The following ADCY1 variants were observed in gnomAD, a reference collection of about 807,000 sequenced individuals.
ADCY1 encodes adenylate cyclase 1.
ADCY1 carries 28 observed loss-of-function variants against 105.4 expected under a neutral mutation model. The observed-to-expected ratio is 0.27, with a 90% CI of 0.20 to 0.36. The LOEUF (loss-of-function observed/expected upper bound fraction) is 0.36. ADCY1 is among the 10% of genes least tolerant of loss of function. The pLI, the probability that ADCY1 is intolerant of heterozygous loss-of-function variation, is 1.00. For synonymous variants in ADCY1, 655 were observed against 623.8 expected, an observed-to-expected ratio of 1.05 and a Z score of -0.75; for missense variants, 977 against 1,434.2, an observed-to-expected ratio of 0.68 and a Z score of 5.15.
intron 5 of ADCY1, among the ~76,000 whole-genome samples, chr7:45,653,270 T>G (rs534738543): frequency 6.6e-6 from 1 of 152,282 alleles, no homozygotes; most frequent in South Asian, 2.1e-4. Context: ...AAATGGCCAA[T>G]TCTGCCTCAT....
chr7:45,596,654 G>A (rs1308406166), intron 2 of ADCY1, among the ~76,000 whole-genome samples: 1 of 152,186 alleles, frequency 6.6e-6, no homozygotes, highest in African/African-American at 2.4e-5. Flanking sequence ...GAAGATGGGG[G>A]CTGAGTGAGG....
chr7:45,651,155 C>T (rs922519271), intron 5 of ADCY1, among the ~76,000 whole-genome samples: 3 of 152,210 alleles, frequency 2.0e-5, no homozygotes, highest in East Asian at 1.9e-4. Flanking sequence ...AAGCTCTACA[C>T]GCCAGAGTTC....
chr7:45,597,539 A>G (rs1401840379), intron 2 of ADCY1, among the ~76,000 whole-genome samples: 2 of 152,052 alleles, frequency 1.3e-5, no homozygotes, highest in Non-Finnish European at 2.9e-5. Flanking sequence ...TTTTGCAGCA[A>G]CCCATGAAGA....
intron 18 of ADCY1, among the ~76,000 whole-genome samples, chr7:45,709,471 G>A (rs1785184325): frequency 6.6e-6 from 1 of 152,180 alleles, no homozygotes; most frequent in African/African-American, 2.4e-5. Flanking sequence ...GGAGTCTGGG[G>A]TTAGCAGAGG....
At chr7:45,582,116 T>C (rs1237705444) in intron 1 of ADCY1, among the ~76,000 whole-genome samples, 1 of 152,120 alleles carries the variant, frequency 6.6e-6, no homozygotes, top group Non-Finnish European at 1.5e-5. Flanking sequence ...ATTCACACAC[T>C]CACAAAGCAA....
In ADCY1 at chr7:45,575,149, G is replaced by A; in HGVS notation, c.606G>A (p.Leu202=). The change falls in exon 1 of 20, where the codon TTG becomes TTA. Residue 202 remains leucine, a synonymous_variant. Coordinates refer to ENST00000297323, the MANE Select transcript of ADCY1 (RefSeq NM_021116.4). This position sits in a 1 kb window ranked among gnomAD's most constrained non-coding sequence, Gnocchi z 4.7. ...AASHLLVTAT[L]VPAKRPRLWR... ...CGCACTTGCTGGTCACAGCCACCTT[G>A]GTCCCCGCCAAGCGCCCACGTCTCT... 6.2e-7 allele frequency: 1 copy of A among 1,609,146 alleles called. No individual in the cohort carries two copies. Among genetic ancestry groups the A allele is most frequent in the Non-Finnish European group, 8.5e-7 (1 of 1,178,300 alleles).
chr7:45,607,270 G>A (rs118163425), intron 2 of ADCY1, among the ~76,000 whole-genome samples: 3,385 of 152,114 alleles, frequency 0.022, 109 homozygotes, highest in South Asian at 0.13. Context: ...ATGGTGGTGC[G>A]GCAGATGTGA....
chr7:45,696,856 G>GGAGGA (rs970203627), intron 14 of ADCY1, among the ~76,000 whole-genome samples: 11 of 152,186 alleles, frequency 7.2e-5, no homozygotes, highest in African/African-American at 2.7e-4. Flanking sequence ...GCTAATCAAG[G>GGAGGA]GAGGAGAGGA....
rs1785170523 is a variant in ADCY1, at chr7:45,708,806, G to A, written c.2932+342G>A. 6.6e-6 allele frequency among the ~76,000 whole-genome samples: 1 copy of A among 152,188 alleles called. No homozygotes were observed. Among genetic ancestry groups the A allele is most frequent in the Admixed American group, 6.5e-5 (1 of 15,288 alleles). ...CGCCAGCCACGGCTACATAGTTGAG[G>A]CCACATGGGCTGTCCAGAAGGAGGC... is the stretch of plus-strand genomic sequence containing the variant. On this transcript the variant is annotated intron_variant, in intron 18 of 19. Coordinates refer to ENST00000297323, the MANE Select transcript of ADCY1 (RefSeq NM_021116.4). This position sits in a 1 kb window ranked among gnomAD's most constrained non-coding sequence, Gnocchi z 4.7.
chr7:45,662,666 G>T (rs1052734520), intron 8 of ADCY1, among the ~76,000 whole-genome samples: 26 of 152,044 alleles, frequency 1.7e-4, no homozygotes, highest in African/African-American at 5.8e-4. Flanking sequence ...CTATGCAGGA[G>T]CTCGCTGCCT....
intron 4 of ADCY1, among the ~76,000 whole-genome samples, chr7:45,641,397 A>G (rs1329756058): frequency 6.6e-6 from 1 of 152,172 alleles, no homozygotes; most frequent in Non-Finnish European, 1.5e-5. Flanking sequence ...GTGAATTCTC[A>G]CCCGTAATGT....
intron 4 of ADCY1, among the ~76,000 whole-genome samples, chr7:45,634,271 T>A (rs1181924770): frequency 6.6e-6 from 1 of 152,138 alleles, no homozygotes; most frequent in Non-Finnish European, 1.5e-5. Context: ...CAGTACAATG[T>A]TGAATAGAAG....
chr7:45,682,839 T>G (rs1286243486), intron 11 of ADCY1, among the ~76,000 whole-genome samples: 2 of 152,014 alleles, frequency 1.3e-5, no homozygotes, highest in Non-Finnish European at 2.9e-5. Context: ...TTAAACTAGG[T>G]GGCTTTGAAG....
chr7:45,615,767 A>G (rs984945453), intron 3 of ADCY1, among the ~76,000 whole-genome samples: 2 of 150,162 alleles, frequency 1.3e-5, no homozygotes, highest in South Asian at 2.2e-4. Flanking sequence ...TCAAATTAAC[A>G]ATATTAACTT....
At chr7:45,704,466 G>T in intron 16 of ADCY1, 52 bp from the exon 17 acceptor site, 2 of 1,550,886 alleles carry the variant, frequency 1.3e-6, no homozygotes, top group South Asian at 2.3e-5. Flanking sequence ...CGGCTGCAGC[G>T]ACTTTTCTCA....
intron 11 of ADCY1, among the ~76,000 whole-genome samples, chr7:45,682,735 G>C (rs965605259): frequency 2.6e-5 from 4 of 152,188 alleles, no homozygotes; most frequent in African/African-American, 9.7e-5. Flanking sequence ...AGGCTGGCTA[G>C]GGTAGAGGCC....
Position 45,705,222 on chromosome 7 carries a change from G to C in ADCY1, c.2817+606G>C, listed in dbSNP as rs140883077. Reference sequence around the variant, plus strand: ...GAAGGAACACTTTCTAACTCATTCTGTAGGCCAGCATTACCTGAATACCAG... The same window carrying C: ...GAAGGAACACTTTCTAACTCATTCTCTAGGCCAGCATTACCTGAATACCAG... On this transcript the variant is annotated intron_variant, in intron 17 of 19. Transcript: ENST00000297323. 1.3e-3 allele frequency among the ~76,000 whole-genome samples: 192 copies of C among 152,190 alleles called. 4 individuals carry two copies. Among genetic ancestry groups the C allele is most frequent in the African/African-American group, 4.5e-3 (187 of 41,534 alleles).
Position 45,703,452 on chromosome 7 carries a change from A to C in ADCY1, c.2531A>C (p.His844Pro). The change falls in exon 15 of 20, where the codon CAC becomes CCC. Residue 844 changes from histidine (H) to proline (P), a missense_variant. This residue lies in a region of ADCY1 where 152 missense variants were observed against 293.7 expected (regional missense o/e 0.52). Transcript: ENST00000297323. This position sits in a 1 kb window ranked among gnomAD's most constrained non-coding sequence, Gnocchi z 5.9. Reference sequence around the variant, plus strand: ...ATCCTCTTCAACCTCCTGCCGGCCCACGTCGCCCAGCACTTCCTCATGTCC... The same window carrying C: ...ATCCTCTTCAACCTCCTGCCGGCCCCCGTCGCCCAGCACTTCCTCATGTCC... ...RRILFNLLPA[H>P]VAQHFLMSNP... is the part of the protein sequence containing the mutation. The C allele has an allele frequency of 6.2e-7, 1 of 1,614,114 alleles. No individual in the cohort carries two copies. Among genetic ancestry groups the C allele is most frequent in the Non-Finnish European group, 8.5e-7 (1 of 1,179,988 alleles).
chr7:45,664,526 A>G, intron 8 of ADCY1: 7 of 1,367,250 alleles, frequency 5.1e-6, no homozygotes, highest in Non-Finnish European at 6.6e-6. Flanking sequence ...GAAAATATGG[A>G]GAACACAAAG....
Sources: gnomAD v4.1 joint callset for allele counts (sites outside exome capture counted in the v4.1 genomes callset) on GRCh38, gnomAD v4.1.1 for gene constraint, gnomAD v4.1.1 regional missense constraint, Gnocchi (gnomAD v3.1) non-coding constraint, MANE v1.5 for transcripts, NCBI Gene and HGNC (gene_info 2026-07-23, HGNC 2026-07-21) for gene names.